Variants in TTC39C observed in about 807,000 individuals in gnomAD.
TTC39C encodes tetratricopeptide repeat domain 39C.
In TTC39C, 33 loss-of-function variants were observed where a neutral mutation model predicts 76.3. The ratio of observed to expected loss-of-function variants is 0.43; its 90% CI spans 0.33 to 0.58. The LOEUF (loss-of-function observed/expected upper bound fraction) is 0.58, where lower values mean the gene tolerates loss of function less well. TTC39C is among the 20% of genes least tolerant of loss of function. The pLI, the probability that TTC39C is intolerant of heterozygous loss-of-function variation, is 0.04. For synonymous variants in TTC39C, 254 were observed against 260.6 expected (o/e 0.97, Z 0.24); for missense variants, 595 against 701.4 (o/e 0.85, Z 1.71).
At chr18:24,051,090 G>A (rs536540924) in intron 1 of TTC39C, among the ~76,000 whole-genome samples, 2 of 152,116 alleles carry the variant, frequency 1.3e-5, no homozygotes, top group Non-Finnish European at 2.9e-5. Context: ...CTCTTAGAGA[G>A]CGGCTCATTA....
intron 8 of TTC39C, among the ~76,000 whole-genome samples, chr18:24,119,267 T>C (rs1374483980): frequency 2.0e-5 from 3 of 152,190 alleles, no homozygotes; most frequent in Non-Finnish European, 4.4e-5. Context: ...AGCCAAGCGG[T>C]TGTACCTTTT....
intron 1 of TTC39C, among the ~76,000 whole-genome samples, chr18:24,004,986 T>C (rs1433407834): frequency 6.6e-6 from 1 of 152,238 alleles, no homozygotes; most frequent in Non-Finnish European, 1.5e-5. Flanking sequence ...TGAGATAATG[T>C]ATTTTCATGC....
intron 1 of TTC39C, among the ~76,000 whole-genome samples, chr18:24,052,884 T>C (rs7238626): frequency 0.17 from 25,793 of 152,130 alleles, 2,568 homozygotes; most frequent in African/African-American, 0.26. Flanking sequence ...CTCAGGCCTG[T>C]TGGGAGGAGG....
At chr18:24,087,602 T>TG (rs1568432750) in intron 6 of TTC39C, among the ~76,000 whole-genome samples, 1 of 151,472 alleles carries the variant, frequency 6.6e-6, no homozygotes, top group South Asian at 2.1e-4. Context: ...TGTTTTTTTT[T>TG]GAGACAGAGT....
chr18:24,039,444 G>A (rs1016426868), intron 1 of TTC39C, among the ~76,000 whole-genome samples: 11 of 152,252 alleles, frequency 7.2e-5, no homozygotes, highest in Admixed American at 6.5e-4. Context: ...GTAGAACCAT[G>A]GATTTTACCC....
intron 1 of TTC39C, among the ~76,000 whole-genome samples, chr18:24,018,114 C>G (rs1385707165): frequency 6.6e-6 from 1 of 152,172 alleles, no homozygotes; most frequent in East Asian, 1.9e-4. Flanking sequence ...AGGGCAGCTC[C>G]CTGGTTGGGA....
intron 8 of TTC39C, among the ~76,000 whole-genome samples, chr18:24,118,544 T>C (rs2084924280): frequency 2.6e-5 from 4 of 152,194 alleles, no homozygotes; most frequent in Admixed American, 2.6e-4. Flanking sequence ...ACTGTATATT[T>C]TGCCCTAAGT....
rs1274589402 is a variant in TTC39C, at chr18:24,128,936, C to T, written c.1471C>T (p.Leu491Phe). The change falls in exon 11 of 14, where the codon CTT becomes TTT. Residue 491 changes from leucine (L) to phenylalanine (F), a missense_variant. Leu to Phe is a conservative substitution (Grantham distance 22, BLOSUM62 0). Transcript: ENST00000317571. ...TGTTGTTGGATTAAAGTATTTGCTT[C>T]TTGGTGCCATACACAAATGTCTAGG... ...SSVVGLKYLL[L>F]GAIHKCLGNS... 2 of 1,613,634 alleles carry T rather than the reference C, an allele frequency of 1.2e-6. No individual in the cohort carries two copies. Among genetic ancestry groups the T allele is most frequent in the Non-Finnish European group, 1.7e-6 (2 of 1,179,812 alleles).
In TTC39C at chr18:24,133,631, C is replaced by T. The variant is rs2085162355; in HGVS notation, c.*1057C>T. 1 of 152,186 alleles carries T rather than the reference C, an allele frequency of 6.6e-6. No homozygotes were observed. The highest frequency in any genetic ancestry group is 2.4e-5 in the African/African-American group (1 of 41,462). 9.4% of individuals were successfully genotyped at this position (152,186 alleles called of 1,614,324 possible). On this transcript the variant is annotated 3_prime_UTR_variant, in exon 14 of 14. Coordinates refer to ENST00000317571, the MANE Select transcript of TTC39C (RefSeq NM_001135993.2). ...CACAGTGCCAGGATTTAATCATTTT[C>T]CCCTTAGCTCAGGTTATTTAGATAT...
upstream of TTC39C, among the ~76,000 whole-genome samples, chr18:24,012,605 G>T (rs876409): frequency 0.56 from 85,558 of 151,954 alleles, 27,878 homozygotes; most frequent in Non-Finnish European, 0.75. Context: ...TCAGTTGGGG[G>T]ACTGCAGGCT....
At chr18:24,023,971 TA>T (rs1568408889) in intron 1 of TTC39C, among the ~76,000 whole-genome samples, 23 of 13,486 alleles carry the variant, frequency 1.7e-3, no homozygotes, top group African/African-American at 3.8e-3. Flanking sequence ...TATATATATA[TA>T]TATATATACA....
rs1034543670 is a variant in TTC39C, at chr18:24,133,896, CAT to C, written c.*1323_*1324del. On this transcript the variant is annotated 3_prime_UTR_variant, in exon 14 of 14. Coordinates refer to ENST00000317571, the MANE Select transcript of TTC39C (RefSeq NM_001135993.2). ...TATTTACAAATTCTTTTGGCTGAAA[CAT>C]GATCTCATATTAATATTTTAATATT... The C allele has an allele frequency of 1.3e-5, 2 of 152,014 alleles. No homozygotes were observed. Among genetic ancestry groups the C allele is most frequent in the Non-Finnish European group, 2.9e-5 (2 of 68,028 alleles). 9.4% of individuals were successfully genotyped at this position (152,014 alleles called of 1,614,324 possible).
intron 6 of TTC39C, among the ~76,000 whole-genome samples, chr18:24,092,048 G>A (rs1406278377): frequency 8.3e-6 from 1 of 120,760 alleles, no homozygotes; most frequent in East Asian, 2.8e-4. Context: ...AACCAAGATC[G>A]CATCACTGCA....
chr18:24,092,103 A>T (rs1364383847), intron 6 of TTC39C, among the ~76,000 whole-genome samples: 2 of 126,202 alleles, frequency 1.6e-5, no homozygotes, highest in African/African-American at 5.3e-5. Context: ...AAAAAAAAAA[A>T]AAAAAAAAAA....
intron 1 of TTC39C, among the ~76,000 whole-genome samples, chr18:24,053,568 T>A (rs1189100248): frequency 6.6e-6 from 1 of 152,246 alleles, no homozygotes; most frequent in African/African-American, 2.4e-5. Flanking sequence ...CTGAATGGTG[T>A]TACAAAGTAA....
intron 6 of TTC39C, among the ~76,000 whole-genome samples, chr18:24,093,490 A>AG (rs1010513101): frequency 6.6e-6 from 1 of 151,966 alleles, no homozygotes; most frequent in East Asian, 1.9e-4. Flanking sequence ...AAAAAAAAAA[A>AG]AAAAGTATTG....
intron 5 of TTC39C, 84 bp from the exon 6 acceptor site, chr18:24,082,829 G>A (rs2084393363): frequency 7.1e-7 from 1 of 1,399,308 alleles, no homozygotes; most frequent in Non-Finnish European, 9.6e-7. Context: ...AGTAGTATTG[G>A]AAGAACACAT....
chr18:24,009,363 G>A (rs2083378785), intron 1 of TTC39C, among the ~76,000 whole-genome samples: 1 of 152,040 alleles, frequency 6.6e-6, no homozygotes, highest in African/African-American at 2.4e-5. Flanking sequence ...GTAGACACAT[G>A]TCTTGAAACC....
In TTC39C at chr18:24,125,449, C is replaced by A. The variant is rs747577657; in HGVS notation, c.1319C>A (p.Thr440Asn). The A allele has an allele frequency of 5.6e-6, 9 of 1,613,988 alleles. No individual in the cohort carries two copies. The African/African-American group carries it at 1.1e-4, about 19-fold the overall frequency. Residue 440 changes from threonine (T) to asparagine (N), a missense_variant, in exon 10 of 14, where the codon ACC (threonine) becomes AAC (asparagine). Thr to Asn is a moderately conservative substitution (Grantham distance 65). Coordinates refer to ENST00000317571, the MANE Select transcript of TTC39C (RefSeq NM_001135993.2). ...CAGGCAGAGCGATTTCGGAAGCAAACCCCAACCAAAGCGCTCTGTGTGTTG... is the reference window on the plus strand; with the variant it reads ...CAGGCAGAGCGATTTCGGAAGCAAAACCCAACCAAAGCGCTCTGTGTGTTG... ...VKKAERFRKQ[T>N]PTKALCVLAS...
Sources: gnomAD v4.1 joint callset for allele counts (sites outside exome capture counted in the v4.1 genomes callset) on GRCh38, gnomAD v4.1.1 for gene constraint, MANE v1.5 for transcripts, NCBI Gene and HGNC (gene_info 2026-07-23, HGNC 2026-07-21) for gene names.